Variants in TMT1A observed in about 807,000 individuals in gnomAD.
The protein encoded by TMT1A is thiol S-methyltransferase TMT1A.
At chr12:50,925,132 T>G in the TMT1A span, 1 of 1,614,040 alleles carries the variant, frequency 6.2e-7, no homozygotes, top group Non-Finnish European at 8.5e-7. Context: ...GAGCTGGATA[T>G]GCAAAAAATG....
At chr12:50,930,031 A>G in the TMT1A span, 2 of 1,614,148 alleles carry the variant, frequency 1.2e-6, no homozygotes, top group African/African-American at 1.3e-5. Flanking sequence ...CAACCTGACC[A>G]GAGAGAGCTG....
the TMT1A span, chr12:50,931,646 G>T: frequency 0.083 from 12,424 of 149,724 alleles, 711 homozygotes; most frequent in African/African-American, 0.16. Flanking sequence ...AGAAGGCGAA[G>T]GTTGCAGTGA....
the TMT1A span, among the ~76,000 whole-genome samples, chr12:50,928,774 C>T: frequency 1.3e-5 from 2 of 152,122 alleles, no homozygotes; most frequent in African/African-American, 4.8e-5. Context: ...CAAATCTAAA[C>T]ATCTATCCCA....
the TMT1A span, chr12:50,930,277 T>G: frequency 5.1e-6 from 3 of 587,586 alleles, no homozygotes; most frequent in East Asian, 3.4e-5. Flanking sequence ...GTTGTTGGTT[T>G]TTTTTTTTTT....
the TMT1A span, among the ~76,000 whole-genome samples, chr12:50,927,149 C>T: frequency 6.6e-6 from 1 of 152,196 alleles, no homozygotes; most frequent in South Asian, 2.1e-4. Flanking sequence ...CCTCCCCACC[C>T]TCCCAGCAGC....
chr12:50,930,007 C>CTGTT, the TMT1A span: 1 of 1,614,054 alleles, frequency 6.2e-7, no homozygotes, highest in South Asian at 1.1e-5. Flanking sequence ...CTGGCACCTT[C>CTGTT]TGTTTGATGG....
chr12:50,925,651 T>A, the TMT1A span: 1 of 1,236,026 alleles, frequency 8.1e-7, no homozygotes, highest in Admixed American at 2.9e-5. Context: ...TACTAGAAAA[T>A]ACTGTAGAAT....
the TMT1A span, chr12:50,929,836 A>G: frequency 7.2e-7 from 1 of 1,382,738 alleles, no homozygotes. Context: ...AGTGCCAGAG[A>G]ACAATTTTCA....
chr12:50,928,887 C>T, the TMT1A span, among the ~76,000 whole-genome samples: 4 of 152,294 alleles, frequency 2.6e-5, no homozygotes, highest in Admixed American at 2.6e-4. Flanking sequence ...GAGGGCAACA[C>T]TGACCTCCCC....
At chr12:50,929,990 A>T in the TMT1A span, 1 of 1,614,020 alleles carries the variant, frequency 6.2e-7, no homozygotes, top group Non-Finnish European at 8.5e-7. Flanking sequence ...CAAGTCCTGG[A>T]TCCTGCCTGG....
the TMT1A span, among the ~76,000 whole-genome samples, chr12:50,927,492 C>T: frequency 6.6e-6 from 1 of 152,328 alleles, no homozygotes; most frequent in South Asian, 2.1e-4. Context: ...TAAGACTGGG[C>T]ACCAACTGGC....
the TMT1A span, among the ~76,000 whole-genome samples, chr12:50,927,543 A>C: frequency 6.6e-6 from 1 of 152,226 alleles, no homozygotes; most frequent in Non-Finnish European, 1.5e-5. Context: ...CTAATCTCCC[A>C]ACACCGCTGC....
chr12:50,929,440 T>G, the TMT1A span, among the ~76,000 whole-genome samples: 3 of 152,194 alleles, frequency 2.0e-5, no homozygotes, highest in African/African-American at 7.2e-5. Flanking sequence ...GGTGACTGTC[T>G]GGTCCCTTGC....
the TMT1A span, among the ~76,000 whole-genome samples, chr12:50,928,960 G>A: frequency 5.3e-5 from 8 of 152,034 alleles, no homozygotes; most frequent in South Asian, 6.3e-4. Flanking sequence ...AATCAGGGCC[G>A]GGCACGGTAG....
the TMT1A span, chr12:50,925,197 C>G: frequency 1.2e-6 from 2 of 1,614,206 alleles, no homozygotes; most frequent in South Asian, 2.2e-5. Context: ...AGATGGCAAG[C>G]AAGAAGCGGG....
At chr12:50,930,105 C>T in the TMT1A span, 3 of 1,613,906 alleles carry the variant, frequency 1.9e-6, no homozygotes, top group African/African-American at 1.3e-5. Context: ...CCCCACTGTC[C>T]TGGGAGTTGG....
At chr12:50,930,104 C>T in the TMT1A span, 1 of 1,613,880 alleles carries the variant, frequency 6.2e-7, no homozygotes, top group Non-Finnish European at 8.5e-7. Context: ...GCCCCACTGT[C>T]CTGGGAGTTG....
chr12:50,925,819 G>A, the TMT1A span, among the ~76,000 whole-genome samples: 1 of 151,782 alleles, frequency 6.6e-6, no homozygotes, highest in East Asian at 1.9e-4. Flanking sequence ...CAGGCAGATC[G>A]CTTGAGGTCA....
the TMT1A span, chr12:50,931,119 G>A: frequency 4.8e-5 from 7 of 146,364 alleles, no homozygotes; most frequent in African/African-American, 1.5e-4. Context: ...AAGGTTAAGA[G>A]CAGAGGTTTA....
Sources: gnomAD v4.1 joint callset for allele counts (sites outside exome capture counted in the v4.1 genomes callset) on GRCh38, gnomAD v4.1.1 for gene constraint, MANE v1.5 for transcripts, NCBI Gene and HGNC (gene_info 2026-07-23, HGNC 2026-07-21) for gene names.